PLCZ1: variants seen among roughly 807,000 people sequenced by gnomAD.
PLCZ1 encodes 1-phosphatidylinositol 4,5-bisphosphate phosphodiesterase zeta-1.
Under a neutral mutation model 76.8 loss-of-function variants are expected in PLCZ1, and 64 were observed. The ratio of observed to expected loss-of-function variants is 0.83; its 90% confidence interval spans 0.68 to 1.03. The LOEUF is 1.03. PLCZ1 is among the 50% of genes least tolerant of loss of function. The probability of loss-of-function intolerance (pLI) is 0.00; values close to 1 mark genes in which losing one functional copy is unlikely to be tolerated. For missense variants in PLCZ1, 751 were observed against 713.7 expected, an observed-to-expected ratio of 1.05 and a Z score of -0.60; for synonymous variants, 248 against 230.8, an observed-to-expected ratio of 1.07 and a Z score of -0.68.
the PLCZ1 span, among the ~76,000 whole-genome samples, chr12:18,668,490 C>T: frequency 6.0e-4 from 92 of 152,294 alleles, no homozygotes; most frequent in Admixed American, 2.8e-3. Context: ...GGACCACTAA[C>T]CTGCCTGCCG....
chr12:18,660,272 G>A, the PLCZ1 span, among the ~76,000 whole-genome samples: 44 of 152,178 alleles, frequency 2.9e-4, no homozygotes, highest in Admixed American at 5.9e-4. Context: ...AAACCAGCAG[G>A]AGCCATAAGG....
intron 4 of PLCZ1, among the ~76,000 whole-genome samples, chr12:18,722,420 G>T (rs73056413): frequency 0.078 from 11,807 of 152,046 alleles, 543 homozygotes; most frequent in Middle Eastern, 0.12. Context: ...ATCCAATGCA[G>T]AAATAAGTTT....
intron 3 of PLCZ1, among the ~76,000 whole-genome samples, chr12:18,733,324 T>G (rs921503308): frequency 6.6e-6 from 1 of 152,144 alleles, no homozygotes; most frequent in Non-Finnish European, 1.5e-5. Context: ...TTCTATGGAG[T>G]TGTGGGATTC....
intron 6 of PLCZ1, among the ~76,000 whole-genome samples, chr12:18,708,124 C>T (rs1302366061): frequency 6.6e-6 from 1 of 152,204 alleles, no homozygotes; most frequent in African/African-American, 2.4e-5. Flanking sequence ...TTTCATCCTA[C>T]ATATGTGCTA....
the PLCZ1 span, among the ~76,000 whole-genome samples, chr12:18,656,644 A>G: frequency 1.3e-5 from 2 of 152,118 alleles, no homozygotes; most frequent in Non-Finnish European, 2.9e-5. Flanking sequence ...GCTCAGGTGG[A>G]AGGATTGCTT....
the PLCZ1 span, among the ~76,000 whole-genome samples, chr12:18,667,741 T>G: frequency 3.3e-5 from 5 of 152,302 alleles, no homozygotes; most frequent in Admixed American, 6.5e-5. Context: ...TATTTCTATG[T>G]TTAAAAGAAA....
In PLCZ1 at chr12:18,684,869, G is replaced by A. The variant is rs147947198; in HGVS notation, c.1592-590C>T. ...TATAGGGGGCTGTTCTCATGATAGT[G>A]AGTGAGTACTCATGAGATCTGATGG... On this transcript the variant is annotated intron_variant, in intron 13 of 14. Coordinates refer to ENST00000266505, the MANE Select transcript of PLCZ1 (RefSeq NM_033123.4). Among the ~76,000 whole-genome samples the A allele has an allele frequency of 1.3e-3, 195 of 152,062 alleles. 1 individual carries two copies. Among genetic ancestry groups the A allele is most frequent in the Middle Eastern group, 6.8e-3 (2 of 294 alleles).
At chr12:18,717,430 C>T (rs568137811) in intron 5 of PLCZ1, among the ~76,000 whole-genome samples, 45 of 152,188 alleles carry the variant, frequency 3.0e-4, no homozygotes, top group Middle Eastern at 3.4e-3. Context: ...TAGAAGATAT[C>T]TTTTCTATTG....
the PLCZ1 span, among the ~76,000 whole-genome samples, chr12:18,657,428 G>A: frequency 1.3e-5 from 2 of 150,986 alleles, no homozygotes; most frequent in Admixed American, 6.6e-5. Flanking sequence ...CACAAATGAA[G>A]ACTATAGCAG....
intron 4 of PLCZ1, among the ~76,000 whole-genome samples, chr12:18,722,105 C>T (rs919176482): frequency 1.3e-5 from 2 of 152,096 alleles, no homozygotes; most frequent in Middle Eastern, 3.4e-3. Flanking sequence ...TGTCATATAA[C>T]TTGTCCCTTC....
At chr12:18,692,473 T>G (rs1954264986) in intron 12 of PLCZ1, among the ~76,000 whole-genome samples, 1 of 152,154 alleles carries the variant, frequency 6.6e-6, no homozygotes, top group African/African-American at 2.4e-5. Context: ...TCTTTACTAA[T>G]GGAAACAAAT....
At chr12:18,673,869 A>T in the PLCZ1 span, among the ~76,000 whole-genome samples, 1 of 152,208 alleles carries the variant, frequency 6.6e-6, no homozygotes. Flanking sequence ...GCTCTTTGCC[A>T]CATGGACCTC....
intron 5 of PLCZ1, among the ~76,000 whole-genome samples, chr12:18,713,225 A>C (rs1158836216): frequency 2.0e-5 from 3 of 151,920 alleles, no homozygotes; most frequent in African/African-American, 7.3e-5. Context: ...CAAATGTTTT[A>C]CTCTTCCGTG....
intron 12 of PLCZ1, among the ~76,000 whole-genome samples, chr12:18,689,330 T>A (rs1953703280): frequency 6.6e-6 from 1 of 151,974 alleles, no homozygotes; most frequent in Non-Finnish European, 1.5e-5. Flanking sequence ...GAAAACTGAA[T>A]GAGAATTTAG....
the PLCZ1 span, among the ~76,000 whole-genome samples, chr12:18,659,858 G>C: frequency 6.6e-6 from 1 of 152,082 alleles, no homozygotes; most frequent in Non-Finnish European, 1.5e-5. Flanking sequence ...AACTGAGACA[G>C]TTAACTGCTA....
chr12:18,667,119 G>A, the PLCZ1 span, among the ~76,000 whole-genome samples: 3 of 152,116 alleles, frequency 2.0e-5, no homozygotes, highest in East Asian at 1.9e-4. Flanking sequence ...TGAAAATAAA[G>A]GCATTTCAGT....
At chr12:18,695,215 T>A (rs1416970989) in intron 11 of PLCZ1, 136 bp from the exon 12 acceptor site, 4 of 881,040 alleles carry the variant, frequency 4.5e-6, no homozygotes, top group Non-Finnish European at 7.0e-6. Flanking sequence ...GCCTAATAAT[T>A]CATGATTTTT....
intron 3 of PLCZ1, among the ~76,000 whole-genome samples, chr12:18,731,918 G>T (rs1389712067): frequency 6.6e-6 from 1 of 152,002 alleles, no homozygotes. Context: ...TTCAAACAAA[G>T]ATAATTTTTG....
chr12:18,700,014 A>G (rs968163825), intron 9 of PLCZ1, 64 bp from the exon 10 acceptor site: 2 of 1,381,464 alleles, frequency 1.4e-6, no homozygotes. Flanking sequence ...AATTTTTTCT[A>G]GTAAAGAAAA....
Sources: gnomAD v4.1 joint callset for allele counts (sites outside exome capture counted in the v4.1 genomes callset) on GRCh38, gnomAD v4.1.1 for gene constraint, MANE v1.5 for transcripts, NCBI Gene and HGNC (gene_info 2026-07-23, HGNC 2026-07-21) for gene names.